Variants in KCNMA1 observed in about 807,000 individuals in gnomAD.
KCNMA1 encodes potassium calcium-activated channel subfamily M alpha 1.
KCNMA1 carries 29 observed loss-of-function variants against 140.0 expected under a neutral mutation model. The observed-to-expected ratio is 0.21, with a 90% CI of 0.15 to 0.28. KCNMA1 has a LOEUF of 0.28. Among genes scored for constraint, KCNMA1 ranks in the 10% least tolerant of loss-of-function variants. The pLI, the probability that KCNMA1 is intolerant of heterozygous loss-of-function variation, is 1.00. For synonymous variants in KCNMA1, 612 were observed against 611.9 expected, an observed-to-expected ratio of 1.00 and a Z score of 0.00; for missense variants, 880 against 1,602.2, an observed-to-expected ratio of 0.55 and a Z score of 7.70.
chr10:77,293,364 C>T (rs1174436739), intron 2 of KCNMA1, among the ~76,000 whole-genome samples: 1 of 152,084 alleles, frequency 6.6e-6, no homozygotes, highest in South Asian at 2.1e-4. Context: ...ATGGGGGGGA[C>T]AACCATAGCT....
At chr10:77,429,250 G>T (rs1206512370) in intron 1 of KCNMA1, among the ~76,000 whole-genome samples, 5 of 152,160 alleles carry the variant, frequency 3.3e-5, no homozygotes, top group Admixed American at 3.3e-4. Flanking sequence ...GAACAGAAGG[G>T]GGTTTTAAGT....
Position 76,994,622 on chromosome 10 carries a change from A to C in KCNMA1, c.2266+6785T>G, listed in dbSNP as rs181475582. Among the ~76,000 whole-genome samples the C allele has an allele frequency of 2.9e-3, 434 of 152,274 alleles. 6 individuals carry two copies. The highest frequency in any genetic ancestry group is 0.023 in the Admixed American group (355 of 15,298). ...AAAAGAGAAACATAATTTTTCAGCAAATGTTGGTAGTATGCCTCCCTCTGT... is the reference window on the plus strand; with the variant it reads ...AAAAGAGAAACATAATTTTTCAGCACATGTTGGTAGTATGCCTCCCTCTGT... On this transcript the variant is annotated intron_variant, in intron 19 of 27. Transcript: ENST00000286628.
At chr10:77,082,788 G>T (rs942994296) in intron 12 of KCNMA1, among the ~76,000 whole-genome samples, 5 of 152,130 alleles carry the variant, frequency 3.3e-5, no homozygotes, top group Admixed American at 1.3e-4. Context: ...AAGAGTTCAC[G>T]CATCCACTTC....
At position 77,183,503 on chromosome 10, in the gene KCNMA1, G is replaced by A. The variant is rs775204434; in HGVS notation, c.726C>T (p.Phe242=). The change falls in exon 5 of 28, where the codon TTC becomes TTT. Residue 242 remains phenylalanine (F), a synonymous_variant. Coordinates refer to ENST00000286628, the MANE Select transcript of KCNMA1 (RefSeq NM_001161352.2). ...RFIAANDKLW[F]WLEVNSVVDF... ...CCACTACAGAGTTCACTTCCAGCCA[G>A]AACCACAATTTATCGTTGGCTGCAA... The A allele has an allele frequency of 3.7e-6, 6 of 1,613,584 alleles. No individual in the cohort carries two copies. The East Asian group carries it at 1.3e-4, about 36-fold the overall frequency.
chr10:77,280,841 G>T (rs1205802695), intron 2 of KCNMA1, among the ~76,000 whole-genome samples: 7 of 152,096 alleles, frequency 4.6e-5, no homozygotes, highest in Non-Finnish European at 7.4e-5. Flanking sequence ...TCCTCAACTG[G>T]TTATAACATC....
intron 2 of KCNMA1, among the ~76,000 whole-genome samples, chr10:77,334,564 A>T (rs1236574734): frequency 1.3e-5 from 2 of 152,158 alleles, no homozygotes; most frequent in Non-Finnish European, 2.9e-5. Context: ...AACATTTACC[A>T]ACTGCCTGCT....
At chr10:77,450,265 A>C (rs958997117) in intron 1 of KCNMA1, among the ~76,000 whole-genome samples, 1 of 151,286 alleles carries the variant, frequency 6.6e-6, no homozygotes, top group Non-Finnish European at 1.5e-5. Context: ...CATGTTGGCC[A>C]GGTTGGTCTC....
At chr10:77,550,698 T>G (rs1472450358) in intron 1 of KCNMA1, among the ~76,000 whole-genome samples, 2 of 152,196 alleles carry the variant, frequency 1.3e-5, no homozygotes, top group Non-Finnish European at 2.9e-5. Flanking sequence ...GTGTACTCCC[T>G]CGAAGCACAT....
chr10:77,286,471 C>T (rs896394209), intron 2 of KCNMA1, among the ~76,000 whole-genome samples: 3 of 152,196 alleles, frequency 2.0e-5, no homozygotes, highest in Non-Finnish European at 4.4e-5. Context: ...TAAAATTACG[C>T]CATATGCCCC....
intron 1 of KCNMA1, chr10:77,634,167 T>C (rs1160869238): frequency 3.0e-6 from 3 of 985,400 alleles, no homozygotes; most frequent in Non-Finnish European, 3.6e-6. Context: ...CTATTCAATA[T>C]AGTCTATGAC....
chr10:77,039,572 A>G lies in KCNMA1; in HGVS notation c.1815T>C (p.Tyr605=). The G allele has an allele frequency of 6.2e-7, 1 of 1,612,638 alleles. No homozygotes were observed. The highest frequency in any genetic ancestry group is 8.5e-7 in the Non-Finnish European group (1 of 1,178,656). The change falls in exon 15 of 28, where the codon TAT becomes TAC. Residue 605 remains tyrosine (Y), a synonymous_variant. Coordinates refer to ENST00000286628, the MANE Select transcript of KCNMA1 (RefSeq NM_001161352.2). ...EGVSNEMYTE[Y]LSSAFVGLSF... ...ACAGACCCACGAAGGCACTGGAGAGATATTCTGTGTACATTTCATTTGAGA... is the reference window on the plus strand; with the variant it reads ...ACAGACCCACGAAGGCACTGGAGAGGTATTCTGTGTACATTTCATTTGAGA...
intron 3 of KCNMA1, 172 bp downstream of exon 3, chr10:77,251,023 A>G (rs1197600767): frequency 1.5e-6 from 1 of 651,028 alleles, no homozygotes; most frequent in Non-Finnish European, 2.8e-6. Context: ...CTTCCTTCTG[A>G]GAACTTTCTT....
At chr10:77,307,054 C>A (rs950246357) in intron 2 of KCNMA1, among the ~76,000 whole-genome samples, 11 of 152,222 alleles carry the variant, frequency 7.2e-5, no homozygotes, top group African/African-American at 2.7e-4. Context: ...ACACTCTCAA[C>A]TTGCAAAAGA....
At chr10:77,226,836 A>G (rs1258748236) in intron 3 of KCNMA1, among the ~76,000 whole-genome samples, 1 of 152,174 alleles carries the variant, frequency 6.6e-6, no homozygotes, top group African/African-American at 2.4e-5. Flanking sequence ...TGAGTGCACA[A>G]TGGGAGATTG....
intron 1 of KCNMA1, among the ~76,000 whole-genome samples, chr10:77,453,263 A>G (rs1399387975): frequency 6.6e-6 from 1 of 152,146 alleles, no homozygotes; most frequent in African/African-American, 2.4e-5. Context: ...AAGCCACGAC[A>G]TCATTAGAAT....
intron 2 of KCNMA1, among the ~76,000 whole-genome samples, chr10:77,357,607 C>T (rs1043826826): frequency 1.3e-5 from 2 of 152,216 alleles, no homozygotes; most frequent in Non-Finnish European, 2.9e-5. Context: ...AAGCTTTCTG[C>T]TTCATTGGAA....
intron 9 of KCNMA1, among the ~76,000 whole-genome samples, chr10:77,103,550 T>C (rs550527864): frequency 8.5e-5 from 13 of 152,266 alleles, no homozygotes; most frequent in African/African-American, 2.9e-4. Flanking sequence ...AGCAGGGAAG[T>C]CCAAGTTTAG....
chr10:77,090,813 C>A, intron 9 of KCNMA1: 1 of 465,746 alleles, frequency 2.1e-6, no homozygotes, highest in South Asian at 2.3e-5. Context: ...TGACATTATG[C>A]TTGTGCTTAA....
At chr10:77,376,892 C>G (rs555770376) in intron 2 of KCNMA1, among the ~76,000 whole-genome samples, 1 of 152,012 alleles carries the variant, frequency 6.6e-6, no homozygotes, top group Non-Finnish European at 1.5e-5. Context: ...GAGCCGAGAT[C>G]GTGCCACTGC....
Sources: allele counts gnomAD v4.1 joint callset (sites outside exome capture counted in the v4.1 genomes callset), GRCh38; gene constraint gnomAD v4.1.1; transcripts MANE v1.5; gene names NCBI Gene and HGNC (gene_info 2026-07-23, HGNC 2026-07-21).